Variants in MTHFS observed in about 807,000 individuals in gnomAD.
The protein encoded by MTHFS is 5-formyltetrahydrofolate cyclo-ligase.
In MTHFS, 7 loss-of-function variants were observed where a neutral mutation model predicts 12.7. The ratio of observed to expected loss-of-function variants is 0.55; its 90% confidence interval spans 0.31 to 1.03. MTHFS has a LOEUF of 1.03. Ranked by LOEUF, MTHFS falls within the 50% of genes least tolerant of loss-of-function variation. MTHFS has a pLI of 0.05. For synonymous variants in MTHFS, 100 were observed against 97.1 expected (o/e 1.03, Z -0.18); for missense variants, 252 against 258.1 (o/e 0.98, Z 0.16).
At chr15:79,894,740 G>A (rs1420081584) in intron 1 of MTHFS, among the ~76,000 whole-genome samples, 1 of 152,046 alleles carries the variant, frequency 6.6e-6, no homozygotes, top group Non-Finnish European at 1.5e-5. Context: ...ATTATACCAA[G>A]CTCTAAATTT....
intron 2 of MTHFS, among the ~76,000 whole-genome samples, chr15:79,852,424 GAGTTAACTGAGCC>G (rs1387875170): frequency 6.6e-6 from 1 of 152,148 alleles, no homozygotes; most frequent in African/African-American, 2.4e-5. Context: ...ACTTAAGGAG[GAGTTAACTGAGCC>G]ACCTATTATT....
chr15:79,889,436 C>G, intron 1 of MTHFS, 82 bp from the exon 2 acceptor site: 3 of 1,477,068 alleles, frequency 2.0e-6, no homozygotes, highest in South Asian at 1.4e-5. Flanking sequence ...TCTCTCTCAG[C>G]CTTCTCCAAT....
chr15:79,862,129 A>G (rs906083792), intron 2 of MTHFS, among the ~76,000 whole-genome samples: 16 of 151,902 alleles, frequency 1.1e-4, no homozygotes, highest in Non-Finnish European at 1.5e-5. Context: ...AAGTACAGTT[A>G]ACTTGGGTTG....
chr15:79,889,860 C>T (rs1371498000), intron 1 of MTHFS, among the ~76,000 whole-genome samples: 1 of 152,136 alleles, frequency 6.6e-6, no homozygotes, highest in African/African-American at 2.4e-5. Flanking sequence ...ACCCTTACTA[C>T]ATTTAGAGTT....
At position 79,896,465 on chromosome 15, in the gene MTHFS, G is replaced by A. The variant is rs755908301; in HGVS notation, c.117+407C>T. ...CTCATTAACTTTAGGCCTCACTGAG[G>A]GAACCTGGGCACTCAGGTGTTCACC... On this transcript the variant is annotated intron_variant, in intron 1 of 2. Coordinates refer to ENST00000258874, the MANE Select transcript of MTHFS (RefSeq NM_006441.4). Among the ~76,000 whole-genome samples the A allele has an allele frequency of 2.0e-5, 3 of 152,126 alleles. No homozygotes were observed. In the South Asian group the frequency reaches 6.2e-4, roughly 32 times the overall value.
chr15:79,897,029 G>C (rs1430982337), upstream of MTHFS: 3 of 1,488,494 alleles, frequency 2.0e-6, no homozygotes, highest in South Asian at 1.3e-5. Flanking sequence ...TCGGCGCCCT[G>C]GGCGCCCTCG....
intron 2 of MTHFS, among the ~76,000 whole-genome samples, chr15:79,872,668 A>C (rs1260034394): frequency 6.6e-6 from 1 of 152,216 alleles, no homozygotes; most frequent in Non-Finnish European, 1.5e-5. Flanking sequence ...AAAGGATCGT[A>C]ATTTCCAGGT....
At chr15:79,870,018 A>T (rs1216145208) in intron 2 of MTHFS, among the ~76,000 whole-genome samples, 2 of 152,234 alleles carry the variant, frequency 1.3e-5, no homozygotes, top group Non-Finnish European at 2.9e-5. Context: ...TAAAAAGGAC[A>T]TGAAACTTTA....
chr15:79,873,047 C>G (rs368281590), intron 2 of MTHFS, among the ~76,000 whole-genome samples: 1 of 152,170 alleles, frequency 6.6e-6, no homozygotes, highest in African/African-American at 2.4e-5. Flanking sequence ...AGTAAAACCT[C>G]CAGGAAACAG....
At chr15:79,858,737 T>A (rs553236491) in intron 2 of MTHFS, among the ~76,000 whole-genome samples, 2 of 152,328 alleles carry the variant, frequency 1.3e-5, no homozygotes, top group South Asian at 4.1e-4. Context: ...AAAAACCTAG[T>A]CTTGAATACT....
rs773391194 is a variant in MTHFS at position 79,889,165 on chromosome 15, A to C, written c.307T>G (p.Leu103Val). The C allele has an allele frequency of 1.2e-6, 2 of 1,614,174 alleles. No individual in the cohort carries two copies. The highest frequency in any genetic ancestry group is 8.5e-7 in the Non-Finnish European group (1 of 1,180,026). ...VRIESPEEIS[L>V]LPKTSWNIPQ... ...ATATTCCAGGATGTTTTGGGAAGTA[A>C]AGAAATTTCCTCTGGTGATTCTATT... The change falls in exon 2 of 3, where the codon TTA becomes GTA. Residue 103 changes from leucine to valine, a missense_variant. By Grantham distance (32) the Leu-to-Val change is conservative (BLOSUM62 1). Transcript: ENST00000258874.
intron 2 of MTHFS, among the ~76,000 whole-genome samples, chr15:79,862,678 A>T (rs2033938999): frequency 6.6e-6 from 1 of 152,214 alleles, no homozygotes; most frequent in Non-Finnish European, 1.5e-5. Context: ...CCATTTCTAT[A>T]TATATGAAGA....
chr15:79,860,180 G>A (rs879619538), intron 2 of MTHFS, among the ~76,000 whole-genome samples: 7 of 152,126 alleles, frequency 4.6e-5, no homozygotes, highest in African/African-American at 9.7e-5. Flanking sequence ...ACGAGGTCAG[G>A]AGATGGAGAC....
chr15:79,890,420 G>A (rs972951290), intron 1 of MTHFS, among the ~76,000 whole-genome samples: 1 of 151,510 alleles, frequency 6.6e-6, no homozygotes, highest in Non-Finnish European at 1.5e-5. Flanking sequence ...GTGGAGACAG[G>A]GTTTCACCAT....
At chr15:79,865,104 C>T (rs1471832847) in intron 2 of MTHFS, among the ~76,000 whole-genome samples, 1 of 152,088 alleles carries the variant, frequency 6.6e-6, no homozygotes, top group Non-Finnish European at 1.5e-5. Context: ...AGGTTAAATT[C>T]AAAATGTTAT....
At chr15:79,850,733 A>G (rs2054288) in intron 2 of MTHFS, among the ~76,000 whole-genome samples, 22,542 of 152,192 alleles carry the variant, frequency 0.15, 1,824 homozygotes, top group Middle Eastern at 0.2. Flanking sequence ...CAAGGATAAT[A>G]TAAGTGGAGA....
intron 2 of MTHFS, among the ~76,000 whole-genome samples, chr15:79,851,041 A>T (rs190310439): frequency 6.6e-6 from 1 of 152,318 alleles, no homozygotes; most frequent in African/African-American, 2.4e-5. Context: ...ACTGAAAAGA[A>T]GGCTGAAAAT....
chr15:79,862,128 T>C (rs1007561491), intron 2 of MTHFS, among the ~76,000 whole-genome samples: 2 of 152,162 alleles, frequency 1.3e-5, no homozygotes, highest in Non-Finnish European at 2.9e-5. Flanking sequence ...GAAGTACAGT[T>C]AACTTGGGTT....
chr15:79,859,440 A>T, intron 2 of MTHFS, among the ~76,000 whole-genome samples: 1 of 152,254 alleles, frequency 6.6e-6, no homozygotes, highest in East Asian at 1.9e-4. Flanking sequence ...CCAAACATAT[A>T]TAAGAATTTT....
Sources: gnomAD v4.1 joint callset for allele counts (sites outside exome capture counted in the v4.1 genomes callset) on GRCh38, gnomAD v4.1.1 for gene constraint, MANE v1.5 for transcripts, NCBI Gene and HGNC (gene_info 2026-07-23, HGNC 2026-07-21) for gene names.